PEAR1: variants seen among roughly 807,000 people sequenced by gnomAD.
PEAR1 encodes platelet endothelial aggregation receptor 1, also known as multiple EGF-like domains protein 12.
PEAR1 carries 113 observed loss-of-function variants against 131.2 expected under a neutral mutation model. That is an observed-to-expected ratio of 0.86 (90% CI 0.74 to 1.01). The LOEUF (loss-of-function observed/expected upper bound fraction) is 1.01, where lower values mean the gene tolerates loss of function less well. Among genes scored for constraint, PEAR1 ranks in the 50% least tolerant of loss-of-function variants. The pLI is 0.00. For synonymous variants in PEAR1, 565 were observed against 523.3 expected, an observed-to-expected ratio of 1.08 and a Z score of -1.09; for missense variants, 1,408 against 1,391.1, an observed-to-expected ratio of 1.01 and a Z score of -0.19.
In PEAR1 at chr1:156,905,419, G is replaced by A. The variant is rs1320882487; in HGVS notation, c.302G>A (p.Cys101Tyr). The A allele has an allele frequency of 1.9e-6, 3 of 1,602,142 alleles. No homozygotes were observed. Among genetic ancestry groups the A allele is most frequent in the Non-Finnish European group, 2.6e-6 (3 of 1,174,498 alleles). The change falls in exon 4 of 23, where the codon TGT (cysteine) becomes TAT (tyrosine). Residue 101 changes from cysteine (C) to tyrosine (Y), a missense_variant. Transcript: ENST00000292357. ...CHGFYESRGF[C>Y]VPLCAQECVH... is the part of the protein sequence containing the mutation. ...GGCTTCTATGAGAGCAGGGGGTTCT[G>A]TGTCCGTGAGTCCAGGGTTGGGTTA...
rs1651451263 is a variant in PEAR1 at position 156,913,225 on chromosome 1, C to T, written c.2454C>T (p.Ser818=). 6.2e-7 allele frequency: 1 copy of T among 1,613,678 alleles called. No homozygotes were observed. The highest frequency in any genetic ancestry group is 1.3e-5 in the African/African-American group (1 of 74,934). ...DVPPSYSHYY[S]NPSYHTLSQC... ...CTCCGAGCTACAGTCACTACTACTC[C>T]AACCCCAGCTACCACACCCTGTCGC... Residue 818 remains serine, a synonymous_variant, in exon 19 of 23, where the codon TCC becomes TCT. Transcript: ENST00000292357.
rs1440811707 is a variant in PEAR1 at position 156,912,503 on chromosome 1, T to G, written c.2090T>G (p.Leu697Arg). Reference sequence around the variant, plus strand: ...TTGGCTGTCTCCCCAGGCTGCCCTCTGGGGACATTTGGTGCTAACTGCTCC... The same window carrying G: ...TTGGCTGTCTCCCCAGGCTGCCCTCGGGGGACATTTGGTGCTAACTGCTCC... ...TGHHCLEGCPLGTFGANCSQP... is the reference protein window; with the variant it reads ...TGHHCLEGCPRGTFGANCSQP... The change falls in exon 17 of 23, where the codon CTG becomes CGG. Residue 697 changes from leucine (L) to arginine (R), a missense_variant. Leu to Arg is a moderately radical substitution (Grantham distance 102, BLOSUM62 -2). Transcript: ENST00000292357. The G allele has an allele frequency of 3.1e-6, 5 of 1,613,434 alleles. No homozygotes were observed. The highest frequency in any genetic ancestry group is 2.2e-5 in the South Asian group (2 of 90,972).
Position 156,907,716 on chromosome 1 carries a change from C to G in PEAR1, c.751C>G (p.Pro251Ala). 6.2e-7 allele frequency: 1 copy of G among 1,610,534 alleles called. No homozygotes were observed. The highest frequency in any genetic ancestry group is 1.7e-4 in the Middle Eastern group (1 of 6,036). ...FQTPQGSCSCPPGWMGTICSL... is the reference protein window; with the variant it reads ...FQTPQGSCSCAPGWMGTICSL... Reference sequence around the variant, plus strand: ...AACCCCACAGGGCTCCTGCAGCTGCCCCCCTGGCTGGATGGTATGGAGGGT... The same window carrying G: ...AACCCCACAGGGCTCCTGCAGCTGCGCCCCTGGCTGGATGGTATGGAGGGT... The change falls in exon 7 of 23, where the codon CCC becomes GCC. Residue 251 changes from proline to alanine, a missense_variant. Coordinates refer to ENST00000292357, the MANE Select transcript of PEAR1 (RefSeq NM_001080471.3).
At chr1:156,911,076 T>TCTTTGTTTCTTTCTTTC (rs1651051833) in intron 15 of PEAR1, among the ~76,000 whole-genome samples, 1 of 105,326 alleles carries the variant, frequency 9.5e-6, no homozygotes, top group African/African-American at 5.0e-5. Flanking sequence ...TTTCTTTCTT[T>TCTTTGTTTCTTTCTTTC]CTTTCTTTCT....
chr1:156,906,885 G>C lies in PEAR1; in HGVS notation c.644+5G>C, dbSNP rs776996882. Reference sequence around the variant, plus strand: ...CGCAGAGAGAACTGGGCCCAGGTATGTAATGGGGGGAACGACACTTTAACA... The same window carrying C: ...CGCAGAGAGAACTGGGCCCAGGTATCTAATGGGGGGAACGACACTTTAACA... On this transcript the variant is annotated splice_donor_5th_base_variant and intron_variant, in intron 6 of 22. Coordinates refer to ENST00000292357, the MANE Select transcript of PEAR1 (RefSeq NM_001080471.3). 1 of 1,613,080 alleles carries C rather than the reference G, an allele frequency of 6.2e-7. No homozygotes were observed. The highest frequency in any genetic ancestry group is 1.7e-5 in the Admixed American group (1 of 59,890).
At chr1:156,911,530 C>T (rs568961332) in intron 15 of PEAR1, among the ~76,000 whole-genome samples, 12 of 152,066 alleles carry the variant, frequency 7.9e-5, no homozygotes, top group South Asian at 2.1e-4. Flanking sequence ...GTGATCCATC[C>T]GCCTCAGGTG....
Position 156,908,198 on chromosome 1 carries a change from G to C in PEAR1, c.973G>C (p.Ala325Pro), listed in dbSNP as rs755382085. ...TGAGACGTGCGACTGCGCCCCGGAC[G>C]CCCGTTGCTTCCCGGCCAACGGCGC... ...CAETCDCAPD[A>P]RCFPANGACL... Residue 325 changes from alanine to proline, a missense_variant, in exon 9 of 23, where the codon GCC becomes CCC. Physicochemically the swap from Ala to Pro is conservative, Grantham distance 27 (BLOSUM62 -1). Coordinates refer to ENST00000292357, the MANE Select transcript of PEAR1 (RefSeq NM_001080471.3). This position sits in a 1 kb window ranked among gnomAD's most constrained non-coding sequence, Gnocchi z 4.2. 1.8e-5 allele frequency: 29 copies of C among 1,603,010 alleles called. 1 individual carries two copies. In the Middle Eastern group the frequency reaches 1.5e-3, roughly 82 times the overall value.
Position 156,913,902 on chromosome 1 carries a change from G to A in PEAR1, c.2764G>A (p.Glu922Lys). ...LGASVASLSS[E>K]NPYATIRDLP... is the part of the protein sequence containing the mutation. Reference sequence around the variant, plus strand: ...GGCCAGTGTGGCTTCCCTGAGCAGTGAGAACCCATATGCCACCATCCGGGA... The same window carrying A: ...GGCCAGTGTGGCTTCCCTGAGCAGTAAGAACCCATATGCCACCATCCGGGA... The change falls in exon 22 of 23, where the codon GAG (glutamate) becomes AAG (lysine). Residue 922 changes from glutamate to lysine, a missense_variant. Transcript: ENST00000292357. 2 of 1,614,090 alleles carry A rather than the reference G, an allele frequency of 1.2e-6. No homozygotes were observed. The highest frequency in any genetic ancestry group is 2.2e-5 in the East Asian group (1 of 44,888).
At position 156,906,311 on chromosome 1, in the gene PEAR1, G is replaced by A. The variant is rs375978526; in HGVS notation, c.343G>A (p.Val115Met). The change falls in exon 5 of 23, where the codon GTG becomes ATG. Residue 115 changes from valine to methionine, a missense_variant. Physicochemically the swap from Val to Met is conservative, Grantham distance 21 (BLOSUM62 1). Coordinates refer to ENST00000292357, the MANE Select transcript of PEAR1 (RefSeq NM_001080471.3). ...CCAGGAGTGTGTCCATGGCCGTTGT[G>A]TGGCACCCAATCAGTGCCAATGTGT... ...CAQECVHGRC[V>M]APNQCQCVPG... 3.7e-6 allele frequency: 6 copies of A among 1,614,092 alleles called. No individual in the cohort carries two copies. In the African/African-American group the frequency reaches 8.0e-5, roughly 22 times the overall value.
At position 156,909,748 on chromosome 1, in the gene PEAR1, C is replaced by A; in HGVS notation, c.1412-3C>A. ...ATACCTACCTACCAGGCCCCTCCTC[C>A]AGGTTGGCAGCGTGGTAACTGCTCT... On this transcript the variant is annotated splice_polypyrimidine_tract_variant and splice_region_variant and intron_variant, in intron 11 of 22. Coordinates refer to ENST00000292357, the MANE Select transcript of PEAR1 (RefSeq NM_001080471.3). 1 of 1,595,770 alleles carries A rather than the reference C, an allele frequency of 6.3e-7. No homozygotes were observed. Among genetic ancestry groups the A allele is most frequent in the Non-Finnish European group, 8.6e-7 (1 of 1,167,804 alleles).
chr1:156,903,515 T>C (rs928037696), intron 1 of PEAR1, among the ~76,000 whole-genome samples: 1 of 152,096 alleles, frequency 6.6e-6, no homozygotes, highest in Non-Finnish European at 1.5e-5. Context: ...ACTGGGTCCC[T>C]GCCTCTGGAG....
At chr1:156,895,751 C>T (rs1056162756) in intron 1 of PEAR1, among the ~76,000 whole-genome samples, 6 of 151,314 alleles carry the variant, frequency 4.0e-5, no homozygotes, top group African/African-American at 1.5e-4. Flanking sequence ...AGGAGAAAGT[C>T]AGAAGACCAA....
chr1:156,913,814 T>C (rs1220619083), intron 21 of PEAR1, 38 bp from the exon 22 acceptor site: 2 of 1,611,132 alleles, frequency 1.2e-6, no homozygotes, highest in Admixed American at 1.7e-5. Flanking sequence ...GAGGAACCAG[T>C]GCCTCCATGC....
rs1396866609 is a variant in PEAR1 at position 156,915,384 on chromosome 1, T to C, written c.*586T>C. Reference sequence around the variant, plus strand: ...GCTCTTCTGCCAGTATCAAAACTTTTGAAGGCCTTAAAGGCCCTGCTTTGC... The same window carrying C: ...GCTCTTCTGCCAGTATCAAAACTTTCGAAGGCCTTAAAGGCCCTGCTTTGC... On this transcript the variant is annotated 3_prime_UTR_variant, in exon 23 of 23. Transcript: ENST00000292357. The C allele has an allele frequency of 6.6e-6, 1 of 152,294 alleles. No homozygotes were observed. The highest frequency in any genetic ancestry group is 2.4e-5 in the African/African-American group (1 of 41,464). The allele number at this position is 152,294 out of a possible 1,614,324, so 9.4% of individuals were successfully genotyped here. A position where few individuals can be genotyped will look rare whatever the true frequency, so the allele number is the denominator to read the frequency against.
In PEAR1 at chr1:156,902,648, G is replaced by C. The variant is rs973156981; in HGVS notation, c.-9-1270G>C. 6.6e-6 allele frequency among the ~76,000 whole-genome samples: 1 copy of C among 152,064 alleles called. No homozygotes were observed. Among genetic ancestry groups the C allele is most frequent in the Non-Finnish European group, 1.5e-5 (1 of 68,002 alleles). The stretch of plus-strand genomic sequence containing the variant: ...GCAGCAACATTCCAGAGATACTCAG[G>C]GGGGTAAGGGGCCAGCAACCGCGAC... On this transcript the variant is annotated intron_variant, in intron 1 of 22. Transcript: ENST00000292357. The surrounding 1 kb of genome is among the most constrained non-coding windows in gnomAD (Gnocchi z 4.3).
chr1:156,899,863 A>C (rs370014563), intron 1 of PEAR1, among the ~76,000 whole-genome samples: 10 of 152,040 alleles, frequency 6.6e-5, no homozygotes, highest in African/African-American at 2.2e-4. Flanking sequence ...ATGCTACATG[A>C]CTTCCCAGAG....
chr1:156,909,965 C>T lies in PEAR1; in HGVS notation c.1576-41C>T, dbSNP rs550681563. ...TGGGGGTGGGGAGGGCATGGCGTCC[C>T]CCAGCTGACTGGCCTACCTGCTCCC... is the stretch of plus-strand genomic sequence containing the variant. On this transcript the variant is annotated intron_variant, in intron 12 of 22. Transcript: ENST00000292357. The T allele has an allele frequency of 5.0e-6, 8 of 1,612,548 alleles. No individual in the cohort carries two copies. The East Asian group carries it at 1.3e-4, about 27-fold the overall frequency.
rs745630356 is a variant in PEAR1, at chr1:156,910,115, A to C, written c.1678+7A>C. On this transcript the variant is annotated splice_region_variant and intron_variant, in intron 13 of 22. Transcript: ENST00000292357. Reference sequence around the variant, plus strand: ...TGCCAGGCTGGCTGGATGGGTGAGCATTCTGGGGCCCCAGGCCTACTGTGG... The same window carrying C: ...TGCCAGGCTGGCTGGATGGGTGAGCCTTCTGGGGCCCCAGGCCTACTGTGG... 6.2e-7 allele frequency: 1 copy of C among 1,614,078 alleles called. No individual in the cohort carries two copies.
At chr1:156,909,945 G>A (rs764327219) in intron 12 of PEAR1, 31 bp downstream of exon 12, 1 of 1,611,992 alleles carries the variant, frequency 6.2e-7, no homozygotes, top group East Asian at 2.2e-5. Context: ...CTGCCTGGGG[G>A]TGGGGAGGGC....
Sources: gnomAD v4.1 joint callset for allele counts (sites outside exome capture counted in the v4.1 genomes callset) on GRCh38, gnomAD v4.1.1 for gene constraint, Gnocchi (gnomAD v3.1) non-coding constraint, MANE v1.5 for transcripts, NCBI Gene and HGNC (gene_info 2026-07-23, HGNC 2026-07-21) for gene names.